TSFM: variants seen among roughly 807,000 people sequenced by gnomAD.
TSFM encodes the protein Ts translation elongation factor, mitochondrial.
A neutral mutation model predicts 33.4 loss-of-function variants in TSFM; 29 were observed. The ratio of observed to expected loss-of-function variants is 0.87; its 90% CI spans 0.65 to 1.18. The LOEUF is 1.18. TSFM is among the 50% of genes most tolerant of loss of function. The probability of loss-of-function intolerance (pLI) is 0.00; values close to 1 mark genes in which losing one functional copy is unlikely to be tolerated. For missense variants in TSFM, 394 were observed against 395.6 expected, an observed-to-expected ratio of 1.00 and a Z score of 0.04; for synonymous variants, 178 against 163.5, an observed-to-expected ratio of 1.09 and a Z score of -0.68.
At chr12:57,795,317 C>T (rs1955719193) in intron 5 of TSFM, among the ~76,000 whole-genome samples, 1 of 150,676 alleles carries the variant, frequency 6.6e-6, no homozygotes, top group South Asian at 2.1e-4. Flanking sequence ...TCAGGCTGGT[C>T]TCAAACTCAC....
downstream of TSFM, chr12:57,799,974 G>T (rs1261841566): frequency 6.2e-7 from 1 of 1,603,314 alleles, no homozygotes; most frequent in East Asian, 2.2e-5. Context: ...TGTCTGTGTG[G>T]TTACAGTTCT....
rs1215707564 is a variant in TSFM, at chr12:57,796,734, C to T, written c.*151C>T. 5 of 1,232,966 alleles carry T rather than the reference C, an allele frequency of 4.1e-6. No individual in the cohort carries two copies. The highest frequency in any genetic ancestry group is 4.1e-5 in the South Asian group (1 of 24,532). 76.4% of individuals were successfully genotyped at this position (1,232,966 alleles called of 1,614,324 possible). The stretch of plus-strand genomic sequence containing the variant: ...ATAAAAATAATTTTTTCCTTGTTTG[C>T]GTAATACTGGATTTAGCTTTTCTGT... On this transcript the variant is annotated 3_prime_UTR_variant, in exon 6 of 6. Transcript: ENST00000652027.
chr12:57,793,288 C>T (rs1241698216), intron 5 of TSFM, among the ~76,000 whole-genome samples: 21 of 152,066 alleles, frequency 1.4e-4, no homozygotes, highest in Admixed American at 1.0e-3. Context: ...AGTGCAGTGG[C>T]GCAATCTCGG....
At chr12:57,791,135 G>C (rs1211332792) in intron 4 of TSFM, among the ~76,000 whole-genome samples, 1 of 151,158 alleles carries the variant, frequency 6.6e-6, no homozygotes, top group Non-Finnish European at 1.5e-5. Flanking sequence ...TCAGCCTCCT[G>C]AGTAGCTGAG....
downstream of TSFM, chr12:57,797,717 A>G: frequency 5.5e-6 from 4 of 733,808 alleles, no homozygotes; most frequent in Middle Eastern, 3.4e-4. Flanking sequence ...CAAGCAAGGA[A>G]TGCAAGGATG....
In TSFM at chr12:57,796,712, A is replaced by C; in HGVS notation, c.*129A>C. 8.0e-7 allele frequency: 1 copy of C among 1,245,640 alleles called. No homozygotes were observed. Among genetic ancestry groups the C allele is most frequent in the Non-Finnish European group, 1.0e-6 (1 of 992,942 alleles). 77.2% of individuals were successfully genotyped at this position (1,245,640 alleles called of 1,614,324 possible). ...AAAATTATTAAATAGTTGTATAATA[A>C]AAATAATTTTTTCCTTGTTTGCGTA... is the stretch of plus-strand genomic sequence containing the variant. On this transcript the variant is annotated 3_prime_UTR_variant, in exon 6 of 6. Transcript: ENST00000652027.
intron 5 of TSFM, among the ~76,000 whole-genome samples, chr12:57,795,960 A>G (rs150808356): frequency 3.9e-4 from 59 of 152,222 alleles, no homozygotes; most frequent in African/African-American, 1.3e-3. Context: ...GGTGCTTCAT[A>G]AAGGTATTCT....
intron 4 of TSFM, 47 bp from the exon 5 acceptor site, chr12:57,792,939 T>G: frequency 6.4e-7 from 1 of 1,565,674 alleles, no homozygotes; most frequent in Non-Finnish European, 8.8e-7. Flanking sequence ...TTTTGATAAT[T>G]TGAATAGTAC....
intron 4 of TSFM, among the ~76,000 whole-genome samples, chr12:57,788,001 A>C (rs1033761829): frequency 1.3e-5 from 2 of 152,184 alleles, no homozygotes; most frequent in East Asian, 3.8e-4. Context: ...CAAGGAAAGG[A>C]ATTATGTCAT....
rs1465439141 is a variant in TSFM, at chr12:57,787,163, G to C, written c.483+1G>C. 6.4e-7 allele frequency: 1 copy of C among 1,563,188 alleles called. No individual in the cohort carries two copies. Among genetic ancestry groups the C allele is most frequent in the Non-Finnish European group, 8.7e-7 (1 of 1,152,638 alleles). On this transcript the variant is annotated splice_donor_variant, in intron 4 of 5. Coordinates refer to ENST00000652027, the MANE Select transcript of TSFM (RefSeq NM_005726.6). LOFTEE classifies it high-confidence loss of function. The stretch of plus-strand genomic sequence containing the variant: ...GGATCAACCCTCTGCATACAGTAAA[G>C]TAAGTTTGGGATTTGTCTCCAGTGT...
rs1223116959 is a variant in TSFM, at chr12:57,796,420, A to G, written c.815A>G (p.Asp272Gly). 6.2e-7 allele frequency: 1 copy of G among 1,602,680 alleles called. No individual in the cohort carries two copies. ...GCCCCCCTCTCTGTTGGCTCCCTGG[A>G]CGATGAGCCTGGGGGAGAGGCAGAG... is the stretch of plus-strand genomic sequence containing the variant. The part of the protein sequence containing the change: ...GMAPLSVGSL[D>G]DEPGGEAETK... Residue 272 changes from aspartate to glycine, a missense_variant, in exon 6 of 6, where the codon GAC becomes GGC. By Grantham distance (94) the Asp-to-Gly change is moderately conservative. This residue lies in a region of TSFM where 186 missense variants were observed against 198.8 expected (regional missense o/e 0.94). Coordinates refer to ENST00000652027, the MANE Select transcript of TSFM (RefSeq NM_005726.6).
chr12:57,783,338 G>A, intron 2 of TSFM, 55 bp downstream of exon 2: 1 of 1,606,726 alleles, frequency 6.2e-7, no homozygotes, highest in Non-Finnish European at 8.5e-7. Flanking sequence ...TCAGACTCTT[G>A]GGGCGGTCAC....
chr12:57,789,147 A>T (rs1053806024), intron 4 of TSFM, among the ~76,000 whole-genome samples: 3 of 151,140 alleles, frequency 2.0e-5, no homozygotes, highest in African/African-American at 7.3e-5. Flanking sequence ...GTATTTTTGT[A>T]GAGACGGGAG....
At chr12:57,786,350 A>T in intron 3 of TSFM, 59 bp downstream of exon 3, 1 of 1,566,666 alleles carries the variant, frequency 6.4e-7, no homozygotes, top group Non-Finnish European at 8.7e-7. Context: ...TAAAGCTTGT[A>T]GTAGGCCCTA....
chr12:57,786,891 G>C, intron 3 of TSFM, 149 bp from the exon 4 acceptor site: 1 of 765,220 alleles, frequency 1.3e-6, no homozygotes, highest in Admixed American at 3.0e-5. Flanking sequence ...GCTAGGAGAG[G>C]AAGCGTAGCT....
chr12:57,792,891 C>A, intron 4 of TSFM, 95 bp from the exon 5 acceptor site: 1 of 1,284,476 alleles, frequency 7.8e-7, no homozygotes, highest in Non-Finnish European at 1.1e-6. Context: ...CACGCCTGGC[C>A]AATACTTTTC....
At chr12:57,800,074 G>A (rs1955816874), downstream of TSFM, 5 of 1,004,362 alleles carry the variant, frequency 5.0e-6, no homozygotes, top group South Asian at 3.4e-5. Context: ...CTGGCTGCAT[G>A]TCAGAATCAT....
chr12:57,793,053 A>G lies in TSFM; in HGVS notation c.551A>G (p.Asp184Gly). 6.2e-7 allele frequency: 1 copy of G among 1,613,656 alleles called. No homozygotes were observed. The highest frequency in any genetic ancestry group is 8.5e-7 in the Non-Finnish European group (1 of 1,179,682). Residue 184 changes from aspartate to glycine, a missense_variant, in exon 5 of 6, where the codon GAT becomes GGT. Transcript: ENST00000652027. The part of the protein sequence containing the change: ...AGPDREGSLK[D>G]QLALAIGKLG... ...CCTGACAGAGAAGGCTCACTCAAGG[A>G]TCAGTTGGCTTTAGCAATTGGTGAG...
Position 57,783,145 on chromosome 12 carries a change from GCA to G in TSFM, c.98_99del (p.Thr33IlefsTer91). 6.2e-7 allele frequency: 1 copy of G among 1,612,480 alleles called. No individual in the cohort carries two copies. The highest frequency in any genetic ancestry group is 8.5e-7 in the Non-Finnish European group (1 of 1,179,876). On this transcript the variant is annotated frameshift_variant, in exon 2 of 6. Coordinates refer to ENST00000652027, the MANE Select transcript of TSFM (RefSeq NM_005726.6). LOFTEE classifies it high-confidence loss of function. ...TTCTGCGTCAGTCGCCCCAGCCAAG[GCA>G]CACATTTTATGCTGGGCCCCGTCTG... ...SLLRQSPQPRHTFYAGPRLSA... is the reference protein window; with the variant it reads ...SLLRQSPQPRXTFYAGPRLSA...
Sources: allele counts gnomAD v4.1 joint callset (sites outside exome capture counted in the v4.1 genomes callset), GRCh38; gene constraint gnomAD v4.1.1; regional missense constraint gnomAD v4.1.1; transcripts MANE v1.5; gene names NCBI Gene and HGNC (gene_info 2026-07-23, HGNC 2026-07-21).